Variants in TLR5 observed in about 807,000 individuals in gnomAD.
TLR5 encodes the protein toll-like receptor 5.
For synonymous variants in TLR5, 373 were observed against 384.4 expected (o/e 0.97, Z 0.35); for missense variants, 944 against 999.8 (o/e 0.94, Z 0.75).
At position 223,110,933 on chromosome 1, in the gene TLR5, C is replaced by A. The variant is rs1656290142; in HGVS notation, c.2099G>T (p.Ser700Ile). The part of the protein sequence containing the change: ...MYKYDAYLCF[S>I]SKDFTWVQNA... ...CTGCACCCATGTGAAGTCTTTGCTGCTGAAGCACAAATAGGCATCATATTT... is the reference window on the plus strand; with the variant it reads ...CTGCACCCATGTGAAGTCTTTGCTGATGAAGCACAAATAGGCATCATATTT... The change falls in exon 6 of 6, where the codon AGC (serine) becomes ATC (isoleucine). Residue 700 changes from serine to isoleucine, a missense_variant. Coordinates refer to ENST00000642603, the MANE Select transcript of TLR5 (RefSeq NM_003268.6). The A allele has an allele frequency of 6.2e-7, 1 of 1,614,124 alleles. No individual in the cohort carries two copies. The highest frequency in any genetic ancestry group is 1.7e-5 in the Admixed American group (1 of 60,010).
chr1:223,111,475 T>C lies in TLR5; in HGVS notation c.1557A>G (p.Pro519=), dbSNP rs1290784806. 3.1e-6 allele frequency: 5 copies of C among 1,614,042 alleles called. No homozygotes were observed. Among genetic ancestry groups the C allele is most frequent in the African/African-American group, 2.7e-5 (2 of 74,920 alleles). Residue 519 remains proline (P), a synonymous_variant, in exon 6 of 6, where the codon CCA becomes CCG. Coordinates refer to ENST00000642603, the MANE Select transcript of TLR5 (RefSeq NM_003268.6). The part of the protein sequence containing the change: ...LNHNYLNSLP[P]GVFSHLTALR... ...ATGCAGTCAGATGGCTAAATACTCC[T>C]GGTGGAAGGGAATTAAGATAGTTAT...
intron 5 of TLR5, chr1:223,128,382 TG>T (rs1288195663): frequency 2.0e-5 from 3 of 152,322 alleles, no homozygotes; most frequent in Admixed American, 2.0e-4. Flanking sequence ...AGTCATCATC[TG>T]CTGATCTGTG....
Position 223,112,565 on chromosome 1 carries a change from T to G in TLR5, c.467A>C (p.Gln156Pro). 1 of 1,614,260 alleles carries G rather than the reference T, an allele frequency of 6.2e-7. No homozygotes were observed. The highest frequency in any genetic ancestry group is 8.5e-7 in the Non-Finnish European group (1 of 1,180,046). The change falls in exon 6 of 6, where the codon CAG (glutamine) becomes CCG (proline). Residue 156 changes from glutamine to proline, a missense_variant. Gln to Pro is a moderately conservative substitution (Grantham distance 76). Transcript: ENST00000642603. The stretch of plus-strand genomic sequence containing the variant: ...AGGATGAAGGTAAAGGCTACGAATC[T>G]GATTTTTGGATAGATCCAAGCGAGT... ...ALTRLDLSKN[Q>P]IRSLYLHPSF...
At chr1:223,126,366 G>A (rs1015176133) in intron 5 of TLR5, among the ~76,000 whole-genome samples, 2 of 152,176 alleles carry the variant, frequency 1.3e-5, no homozygotes, top group Non-Finnish European at 2.9e-5. Context: ...GGGAGTTAGC[G>A]TTTAATGGGC....
intron 5 of TLR5, among the ~76,000 whole-genome samples, chr1:223,117,562 CAAAAAAAAA>C (rs66839180): frequency 1.9e-5 from 2 of 105,120 alleles, no homozygotes; most frequent in African/African-American, 7.2e-5. Flanking sequence ...ATGGTGTTCA[CAAAAAAAAA>C]AAAAAAAAAA....
At position 223,140,265 on chromosome 1, in the gene TLR5, G is replaced by A. The variant is rs549529108; in HGVS notation, c.-439+1383C>T. ...GAGGCACACAAAAAACGCATGGTCA[G>A]GCTGGGTGTGGTGGCTCACGCCTGT... On this transcript the variant is annotated intron_variant, in intron 2 of 5. Coordinates refer to ENST00000642603, the MANE Select transcript of TLR5 (RefSeq NM_003268.6). Among the ~76,000 whole-genome samples, 54 of 152,340 alleles carry A rather than the reference G, an allele frequency of 3.5e-4. No homozygotes were observed. In the South Asian group the frequency reaches 0.011, roughly 30 times the overall value.
chr1:223,129,870 C>T (rs1657333399), intron 5 of TLR5, among the ~76,000 whole-genome samples: 1 of 152,194 alleles, frequency 6.6e-6, no homozygotes, highest in Non-Finnish European at 1.5e-5. Flanking sequence ...AATCAGCACA[C>T]GAGGTTTCTG....
chr1:223,116,646 G>GC (rs1252729274), intron 5 of TLR5, among the ~76,000 whole-genome samples: 8 of 152,094 alleles, frequency 5.3e-5, no homozygotes, highest in Admixed American at 3.3e-4. Context: ...TCCTTATCTG[G>GC]CCCCACCGAC....
chr1:223,111,067 C>A lies in TLR5; in HGVS notation c.1965G>T (p.Met655Ile), dbSNP rs961978301. The A allele has an allele frequency of 1.2e-6, 2 of 1,613,996 alleles. No homozygotes were observed. The highest frequency in any genetic ancestry group is 1.7e-6 in the Non-Finnish European group (2 of 1,180,040). Residue 655 changes from methionine (M) to isoleucine (I), a missense_variant, in exon 6 of 6, where the codon ATG becomes ATT. Coordinates refer to ENST00000642603, the MANE Select transcript of TLR5 (RefSeq NM_003268.6). The stretch of plus-strand genomic sequence containing the variant: ...GGAACTTTGTGACTGTGAGGATGGT[C>A]ATGAGGAACAGAGTCAGAGTGACAG... ...VCTVTLTLFL[M>I]TILTVTKFRG...
rs3044335 is a variant in TLR5, at chr1:223,137,950, A to ATTTTTTTTTTTTTTT, written c.-438-702_-438-688dup. Among the ~76,000 whole-genome samples, 11 of 84,566 alleles carry ATTTTTTTTTTTTTTT rather than the reference A, an allele frequency of 1.3e-4. No homozygotes were observed. The East Asian group carries it at 1.8e-3, about 14-fold the overall frequency. The allele number at this position is 84,566 out of a possible 152,430, so 55.5% of individuals were successfully genotyped here. The stretch of plus-strand genomic sequence containing the variant: ...AACCTCCTCAGGTCTGGCTTTTTAA[A>ATTTTTTTTTTTTTTT]TTTTTTTTTTTTTTTTTTTTTTTTT... On this transcript the variant is annotated intron_variant, in intron 2 of 5. Transcript: ENST00000642603.
chr1:223,118,474 G>A (rs1237871009), intron 5 of TLR5, among the ~76,000 whole-genome samples: 1 of 151,824 alleles, frequency 6.6e-6, no homozygotes, highest in Non-Finnish European at 1.5e-5. Context: ...TTGAACCCAG[G>A]AGTCAGAGGT....
In TLR5 at chr1:223,112,028, A is replaced by G. The variant is rs1182003251; in HGVS notation, c.1004T>C (p.Leu335Pro). The G allele has an allele frequency of 6.2e-7, 1 of 1,614,104 alleles. No individual in the cohort carries two copies. Among genetic ancestry groups the G allele is most frequent in the African/African-American group, 1.3e-5 (1 of 74,936 alleles). Reference sequence around the variant, plus strand: ...CAAATTGAGAACTTGGAGGTTGTCAAGTCCGTAAAATGCTTCATCTGCAAT... The same window carrying G: ...CAAATTGAGAACTTGGAGGTTGTCAGGTCCGTAAAATGCTTCATCTGCAAT... ...NKIADEAFYG[L>P]DNLQVLNLSY... is the part of the protein sequence containing the mutation. Residue 335 changes from leucine (L) to proline (P), a missense_variant, in exon 6 of 6, where the codon CTT becomes CCT. By Grantham distance (98) the Leu-to-Pro change is moderately conservative. Transcript: ENST00000642603.
At position 223,110,638 on chromosome 1, in the gene TLR5, G is replaced by A. The variant is rs781035131; in HGVS notation, c.2394C>T (p.Tyr798=). 11 of 1,613,942 alleles carry A rather than the reference G, an allele frequency of 6.8e-6. No individual in the cohort carries two copies. Among genetic ancestry groups the A allele is most frequent in the South Asian group, 1.1e-5 (1 of 91,080 alleles). The change falls in exon 6 of 6, where the codon TAC becomes TAT. Residue 798 remains tyrosine (Y), a synonymous_variant. Transcript: ENST00000642603. Reference sequence around the variant, plus strand: ...TGATGGATTGATGTTTCATCAACTGGTACTGGGACAAGGACCCAACCACCA... The same window carrying A: ...TGATGGATTGATGTTTCATCAACTGATACTGGGACAAGGACCCAACCACCA... ...IMVVVGSLSQ[Y]QLMKHQSIRG... is the part of the protein sequence containing the mutation.
At chr1:223,124,963 A>G (rs1657109467) in intron 5 of TLR5, among the ~76,000 whole-genome samples, 1 of 152,178 alleles carries the variant, frequency 6.6e-6, no homozygotes, top group African/African-American at 2.4e-5. Flanking sequence ...AAGTTACAGC[A>G]ACAGATGTGG....
intron 3 of TLR5, among the ~76,000 whole-genome samples, chr1:223,135,842 G>A (rs918221735): frequency 6.6e-6 from 1 of 152,152 alleles, no homozygotes; most frequent in African/African-American, 2.4e-5. Context: ...GCTTTAAATA[G>A]CAACTTTTTC....
intron 5 of TLR5, among the ~76,000 whole-genome samples, chr1:223,126,471 T>G (rs958106829): frequency 6.6e-6 from 1 of 152,156 alleles, no homozygotes; most frequent in African/African-American, 2.4e-5. Flanking sequence ...ATTATTAAAA[T>G]GGACATTTTT....
At chr1:223,119,636 G>C (rs1307754902) in intron 5 of TLR5, among the ~76,000 whole-genome samples, 3 of 151,988 alleles carry the variant, frequency 2.0e-5, no homozygotes, top group African/African-American at 7.3e-5. Flanking sequence ...TCTTCAGACT[G>C]ATAGAACAGA....
rs529835713 is a variant in TLR5 at position 223,111,656 on chromosome 1, C to T, written c.1376G>A (p.Arg459His). ...HLQILILNQN[R>H]FSSCSGDQTP... Reference sequence around the variant, plus strand: ...TTGATCTCCACTACAGGAGGAGAAGCGATTTTGATTTAAAATGAGAATCTG... The same window carrying T: ...TTGATCTCCACTACAGGAGGAGAAGTGATTTTGATTTAAAATGAGAATCTG... The change falls in exon 6 of 6, where the codon CGC (arginine) becomes CAC (histidine). Residue 459 changes from arginine (R) to histidine (H), a missense_variant. Physicochemically the swap from Arg to His is conservative, Grantham distance 29. Transcript: ENST00000642603. 5.0e-6 allele frequency: 8 copies of T among 1,613,982 alleles called. No homozygotes were observed. Among genetic ancestry groups the T allele is most frequent in the South Asian group, 1.1e-5 (1 of 91,062 alleles).
chr1:223,128,116 T>G (rs1657247304), intron 5 of TLR5: 1 of 152,226 alleles, frequency 6.6e-6, no homozygotes. Flanking sequence ...GGGGTTACCC[T>G]CGCCCGTATG....
Sources: allele counts gnomAD v4.1 joint callset (sites outside exome capture counted in the v4.1 genomes callset), GRCh38; gene constraint gnomAD v4.1.1; transcripts MANE v1.5; gene names NCBI Gene and HGNC (gene_info 2026-07-23, HGNC 2026-07-21).